Variants in PODNL1 observed in about 807,000 individuals in gnomAD.
PODNL1 encodes the protein podocan-like protein 1.
A neutral mutation model predicts 45.1 loss-of-function variants in PODNL1; 50 were observed. That is an observed-to-expected ratio of 1.11 (90% CI 0.88 to 1.40). The LOEUF is 1.40. Ranked by LOEUF, PODNL1 falls within the 40% of genes most tolerant of loss-of-function variation. The pLI is 0.00. For synonymous variants in PODNL1, 406 were observed against 372.5 expected (o/e 1.09, Z -1.04); for missense variants, 788 against 793.3 (o/e 0.99, Z 0.08).
chr19:13,939,378 A>G (rs536660795), upstream of PODNL1, among the ~76,000 whole-genome samples: 1 of 151,936 alleles, frequency 6.6e-6, no homozygotes, highest in Admixed American at 6.6e-5. Context: ...TGCCCAGCTA[A>G]TTTTTGTATT....
chr19:13,953,231 TC>T, exon 1 of PODNL1: 1 of 1,228,788 alleles, frequency 8.1e-7, no homozygotes, highest in Non-Finnish European at 1.1e-6. Context: ...GACTGGAAAC[TC>T]CCAGAGCTGG....
At chr19:13,940,429 G>T (rs1035726627), upstream of PODNL1, among the ~76,000 whole-genome samples, 66 of 151,660 alleles carry the variant, frequency 4.4e-4, no homozygotes, top group African/African-American at 1.5e-3. Flanking sequence ...AAATTAGCTG[G>T]GTGTGGTGGT....
chr19:13,952,581 C>G, intron 1 of PODNL1: 1 of 1,262,236 alleles, frequency 7.9e-7, no homozygotes. Context: ...CCGGGGGAGC[C>G]GGAGGGAAGC....
At chr19:13,947,092 G>T (rs1972844966) in intron 1 of PODNL1, among the ~76,000 whole-genome samples, 1 of 136,136 alleles carries the variant, frequency 7.3e-6, no homozygotes. Context: ...TATAATAATT[G>T]TTGTAGGCGG....
chr19:13,943,543 G>T (rs1972723366), intron 1 of PODNL1, among the ~76,000 whole-genome samples: 1 of 151,944 alleles, frequency 6.6e-6, no homozygotes, highest in Non-Finnish European at 1.5e-5. Flanking sequence ...TTCACTGCAA[G>T]CTCTGCCTCC....
upstream of PODNL1, chr19:13,938,443 A>C (rs1599440730): frequency 7.9e-7 from 1 of 1,263,776 alleles, no homozygotes; most frequent in Non-Finnish European, 1.0e-6. Context: ...CCCAACAACC[A>C]CCCCATCTCT....
At position 13,931,626 on chromosome 19, in the gene PODNL1, C is replaced by T. The variant is rs1462680486; in HGVS notation, c.*111G>A. 2.6e-6 allele frequency: 3 copies of T among 1,136,454 alleles called. No individual in the cohort carries two copies. Among genetic ancestry groups the T allele is most frequent in the African/African-American group, 1.6e-5 (1 of 62,452 alleles). The allele number at this position is 1,136,454 out of a possible 1,614,324, so 70.4% of individuals were successfully genotyped here. A position where few individuals can be genotyped will look rare whatever the true frequency, so the allele number is the denominator to read the frequency against. ...CAGTGGCAGGCAGAGCAGGCCCAGC[C>T]CTGGAGGCCCAGGAGAGCCAGACCA... is the stretch of plus-strand genomic sequence containing the variant. On this transcript the variant is annotated 3_prime_UTR_variant, in exon 10 of 10. Coordinates refer to ENST00000588872, the MANE Select transcript of PODNL1 (RefSeq NM_001370095.3).
rs932901983 is a variant in PODNL1 at position 13,932,622 on chromosome 19, C to G, written c.1425+176G>C. ...TCTCCTGCCTTGGCTCCCCAAAGTGCTGGGATTACAGGCATGAGCCACCTC... is the reference window on the plus strand; with the variant it reads ...TCTCCTGCCTTGGCTCCCCAAAGTGGTGGGATTACAGGCATGAGCCACCTC... On this transcript the variant is annotated intron_variant, in intron 8 of 9. Coordinates refer to ENST00000588872, the MANE Select transcript of PODNL1 (RefSeq NM_001370095.3). 22 of 1,501,628 alleles carry G rather than the reference C, an allele frequency of 1.5e-5. No homozygotes were observed. In the Admixed American group the frequency reaches 4.2e-4, roughly 28 times the overall value. 93.0% of individuals were successfully genotyped at this position (1,501,628 alleles called of 1,614,324 possible).
rs929953277 is a variant in PODNL1, at chr19:13,937,926, C to A, written c.84G>T (p.Leu28=). Reference sequence around the variant, plus strand: ...GGGGCAGGGGCTGCAAGCTCTCCCCCAGGTGGGGGAAGGCAGCGTCTTCCA... The same window carrying A: ...GGGGCAGGGGCTGCAAGCTCTCCCCAAGGTGGGGGAAGGCAGCGTCTTCCA... ...AGLEDAAFPH[L]GESLQPLPRA... The change falls in exon 2 of 10, where the codon CTG becomes CTT. Residue 28 remains leucine (L), a synonymous_variant. Coordinates refer to ENST00000588872, the MANE Select transcript of PODNL1 (RefSeq NM_001370095.3). 4 of 1,554,704 alleles carry A rather than the reference C, an allele frequency of 2.6e-6. No individual in the cohort carries two copies. The African/African-American group carries it at 4.1e-5, about 16-fold the overall frequency.
chr19:13,932,075 G>A lies in PODNL1; in HGVS notation c.1463C>T (p.Pro488Leu), dbSNP rs1971982081. The A allele has an allele frequency of 2.4e-6, 3 of 1,232,792 alleles. No homozygotes were observed. The Middle Eastern group carries it at 9.4e-4, about 384-fold the overall frequency. The allele number at this position is 1,232,792 out of a possible 1,614,324, so 76.4% of individuals were successfully genotyped here. The change falls in exon 9 of 10, where the codon CCC (proline) becomes CTC (leucine). Residue 488 changes from proline (P) to leucine (L), a missense_variant. Pro to Leu is a moderately conservative substitution (Grantham distance 98). Around this residue, in one of 3 missense-constraint regions of PODNL1, gnomAD observed 762 missense variants for 750.9 expected, o/e 1.01. Transcript: ENST00000588872. ...DLSHNELSFV[P>L]PDLPEALEEL... ...CTCTAGGGCCTCAGGCAGGTCCGGG[G>A]GCACAAAGGACAGCTCATTGTGGCT... is the stretch of plus-strand genomic sequence containing the variant.
In PODNL1 at chr19:13,931,783, CG is replaced by C; in HGVS notation, c.1678del (p.Arg560GlyfsTer98). 1 of 1,231,850 alleles carries C rather than the reference CG, an allele frequency of 8.1e-7. No homozygotes were observed. 76.3% of individuals were successfully genotyped at this position (1,231,850 alleles called of 1,614,324 possible). On this transcript the variant is annotated frameshift_variant, in exon 10 of 10. Transcript: ENST00000588872. LOFTEE classifies it low-confidence loss of function (END_TRUNC). ...TAGNPEQVLIRLPPTTPRGPR... is the reference protein window; with the variant it reads ...TAGNPEQVLIXLPPTTPRGPR... ...CCCACGTGGGGTGGTGGGAGGCAGCCGGATCAGGACCTGCTCCGGATTCCCT... is the reference window on the plus strand; with the variant it reads ...CCCACGTGGGGTGGTGGGAGGCAGCCGATCAGGACCTGCTCCGGATTCCCT...
At chr19:13,939,604 G>C (rs1227907849), upstream of PODNL1, among the ~76,000 whole-genome samples, 1 of 152,072 alleles carries the variant, frequency 6.6e-6, no homozygotes, top group Non-Finnish European at 1.5e-5. Context: ...AAATTAGCCT[G>C]GGCTGGGCTC....
intron 5 of PODNL1, 86 bp downstream of exon 5, chr19:13,935,635 G>T (rs1972290299): frequency 9.4e-7 from 1 of 1,060,088 alleles, no homozygotes; most frequent in Non-Finnish European, 1.3e-6. Context: ...CCGAGGGCAA[G>T]GTCTTAACTC....
upstream of PODNL1, among the ~76,000 whole-genome samples, chr19:13,943,434 T>C (rs980894454): frequency 3.3e-5 from 5 of 152,190 alleles, no homozygotes; most frequent in African/African-American, 9.6e-5. Context: ...CGTGGCCTTC[T>C]TCACTGAGCC....
Position 13,951,322 on chromosome 19 carries a change from T to A in PODNL1, c.18+1797A>T, listed in dbSNP as rs61196015. Among the ~76,000 whole-genome samples the A allele has an allele frequency of 1.8e-3, 276 of 151,680 alleles. 1 individual carries two copies. Among genetic ancestry groups the A allele is most frequent in the African/African-American group, 6.3e-3 (260 of 41,326 alleles). On this transcript the variant is annotated intron_variant, in intron 1 of 7. Transcript: ENST00000538371. ...TAATGAAGACAATAAAAAAAAACTA[T>A]CTTCTAGATTGTTCAGAGGATTAAA...
At position 13,932,785 on chromosome 19, in the gene PODNL1, G is replaced by T. The variant is rs1223737166; in HGVS notation, c.1425+13C>A. 1.2e-6 allele frequency: 2 copies of T among 1,612,880 alleles called. No homozygotes were observed. Among genetic ancestry groups the T allele is most frequent in the African/African-American group, 2.7e-5 (2 of 74,928 alleles). ...GCCCTGGGGACAGTGTGGCTAACCAGCCTGTGCCTGACCTGGAGGGCTTGG... is the reference window on the plus strand; with the variant it reads ...GCCCTGGGGACAGTGTGGCTAACCATCCTGTGCCTGACCTGGAGGGCTTGG... On this transcript the variant is annotated intron_variant, in intron 8 of 9. Transcript: ENST00000588872.
At position 13,953,115 on chromosome 19, in the gene PODNL1, G is replaced by C. The variant is rs367921705; in HGVS notation, c.18+4C>G. The C allele has an allele frequency of 2.4e-3, 3,696 of 1,550,390 alleles. 4 individuals are homozygous for C. Among genetic ancestry groups the C allele is most frequent in the Non-Finnish European group, 3.0e-3 (3,486 of 1,146,334 alleles). The stretch of plus-strand genomic sequence containing the variant: ...GACCACACATGAGCTGGGAGTTCCA[G>C]TACCTGGGTGGGCCTCCCCATTGAA... On this transcript the variant is annotated splice_donor_region_variant and intron_variant, in intron 1 of 7. Transcript: ENST00000538371.
rs1971927635 is a variant in PODNL1, at chr19:13,931,309, A to G, written c.*428T>C. 6.1e-6 allele frequency: 1 copy of G among 164,454 alleles called. No individual in the cohort carries two copies. The highest frequency in any genetic ancestry group is 1.3e-5 in the Non-Finnish European group (1 of 76,734). The allele number at this position is 164,454 out of a possible 1,614,324, so 10.2% of individuals were successfully genotyped here. The stretch of plus-strand genomic sequence containing the variant: ...GGCGTCCCTGCAATCACACGTGGCT[A>G]GGTCGCACAGGGTGCTGTTTGGTGA... On this transcript the variant is annotated 3_prime_UTR_variant, in exon 10 of 10. Coordinates refer to ENST00000588872, the MANE Select transcript of PODNL1 (RefSeq NM_001370095.3).
intron 8 of PODNL1, chr19:13,932,540 A>T (rs879904343): frequency 1.3e-5 from 12 of 890,542 alleles, no homozygotes; most frequent in Non-Finnish European, 1.8e-5. Flanking sequence ...TTTTTTTGGT[A>T]GAGATAGGGT....
Sources: allele counts gnomAD v4.1 joint callset (sites outside exome capture counted in the v4.1 genomes callset), GRCh38; gene constraint gnomAD v4.1.1; regional missense constraint gnomAD v4.1.1; transcripts MANE v1.5; gene names NCBI Gene and HGNC (gene_info 2026-07-23, HGNC 2026-07-21).